Variants in SPSB4 observed in about 807,000 individuals in gnomAD.
The protein encoded by SPSB4 is SPRY domain-containing SOCS box protein 4.
SPSB4 carries 21 observed loss-of-function variants against 20.9 expected under a neutral mutation model. That is an observed-to-expected ratio of 1.01 (90% confidence interval 0.71 to 1.45). The LOEUF (loss-of-function observed/expected upper bound fraction) is 1.45, where lower values mean the gene tolerates loss of function less well. Among genes scored for constraint, SPSB4 ranks in the 40% most tolerant of loss-of-function variants. SPSB4 has a pLI of 0.00. For missense variants in SPSB4, 399 were observed against 399.2 expected (o/e 1.00, Z 0.00); for synonymous variants, 207 against 183.8 (o/e 1.13, Z -1.02).
In SPSB4 at chr3:141,061,738, C is replaced by CT. The variant is rs71151410; in HGVS notation, c.-153-4199dup. Among the ~76,000 whole-genome samples, 408 of 94,824 alleles carry CT rather than the reference C, an allele frequency of 4.3e-3. 1 individual carries two copies. The highest frequency in any genetic ancestry group is 0.014 in the African/African-American group (389 of 28,090). 62.2% of individuals were successfully genotyped at this position (94,824 alleles called of 152,430 possible). A position where few individuals can be genotyped will look rare whatever the true frequency, so the allele number is the denominator to read the frequency against. On this transcript the variant is annotated intron_variant, in intron 1 of 2. Coordinates refer to ENST00000310546, the MANE Select transcript of SPSB4 (RefSeq NM_080862.3). Reference sequence around the variant, plus strand: ...TCTTTTTCTTTCCTTTTCTTTCTTTCTTTTTTTTTTTTTTTGAGATGGAGT... The same window carrying CT: ...TCTTTTTCTTTCCTTTTCTTTCTTTCTTTTTTTTTTTTTTTTGAGATGGAGT...
At chr3:141,075,275 C>A (rs900247070) in intron 2 of SPSB4, among the ~76,000 whole-genome samples, 1 of 152,104 alleles carries the variant, frequency 6.6e-6, no homozygotes, top group Non-Finnish European at 1.5e-5. Context: ...AGTGTCTCCC[C>A]ACAACACACA....
intron 2 of SPSB4, among the ~76,000 whole-genome samples, chr3:141,083,122 T>C (rs1279444255): frequency 6.6e-6 from 1 of 152,208 alleles, no homozygotes; most frequent in East Asian, 1.9e-4. Context: ...GATCTGGGCT[T>C]CCTTAGATTT....
intron 2 of SPSB4, among the ~76,000 whole-genome samples, chr3:141,107,668 T>C (rs1938720301): frequency 6.6e-6 from 1 of 152,226 alleles, no homozygotes; most frequent in South Asian, 2.1e-4. Context: ...TGAAGATTTT[T>C]ATTTGTGCCC....
At chr3:141,135,622 T>A (rs1184366090) in intron 2 of SPSB4, among the ~76,000 whole-genome samples, 1 of 152,098 alleles carries the variant, frequency 6.6e-6, no homozygotes, top group Non-Finnish European at 1.5e-5. Context: ...GATAGTTTGC[T>A]GAGAATGATG....
rs535283654 is a variant in SPSB4, at chr3:141,147,213, G to A, written c.766G>A (p.Asp256Asn). The A allele has an allele frequency of 1.4e-4, 228 of 1,614,222 alleles. 4 individuals carry two copies. The South Asian group carries it at 2.3e-3, about 16-fold the overall frequency. ...RSALGRQRLQ[D>N]ISSLPLPQSL... ...GGCCCTGGGCCGCCAGCGCCTGCAG[G>A]ACATCAGCTCCCTGCCCCTGCCTCA... Residue 256 changes from aspartate to asparagine, a missense_variant, in exon 3 of 3, where the codon GAC becomes AAC. Transcript: ENST00000310546.
At chr3:141,081,345 T>C (rs1298150890) in intron 2 of SPSB4, among the ~76,000 whole-genome samples, 1 of 152,174 alleles carries the variant, frequency 6.6e-6, no homozygotes, top group Non-Finnish European at 1.5e-5. Flanking sequence ...TGGGGCTGCT[T>C]TAGAGCCACT....
At position 141,051,751 on chromosome 3, in the gene SPSB4, C is replaced by G. The variant is rs1397121170; in HGVS notation, c.-395C>G. ...CCCACTCCAGGCCCGACCCCCGGCG[C>G]CTGAGCGCCAACTTCGCCAAGAACG... On this transcript the variant is annotated 5_prime_UTR_variant, in exon 1 of 3. Coordinates refer to ENST00000310546, the MANE Select transcript of SPSB4 (RefSeq NM_080862.3). 1 of 152,292 alleles carries G rather than the reference C, an allele frequency of 6.6e-6. No homozygotes were observed. The highest frequency in any genetic ancestry group is 1.5e-5 in the Non-Finnish European group (1 of 68,120). 9.4% of individuals were successfully genotyped at this position (152,292 alleles called of 1,614,324 possible). A position where few individuals can be genotyped will look rare whatever the true frequency, so the allele number is the denominator to read the frequency against.
chr3:141,087,473 T>C (rs1021947426), intron 2 of SPSB4, among the ~76,000 whole-genome samples: 4 of 152,124 alleles, frequency 2.6e-5, no homozygotes, highest in Non-Finnish European at 2.9e-5. Context: ...AGGGTCCCAG[T>C]ATGGGGTAAA....
At chr3:141,119,248 A>G (rs1302025070) in intron 2 of SPSB4, among the ~76,000 whole-genome samples, 1 of 152,132 alleles carries the variant, frequency 6.6e-6, no homozygotes, top group African/African-American at 2.4e-5. Context: ...TTCTCTTTGT[A>G]GTAATTGTGA....
chr3:141,132,174 GT>G (rs551279340), intron 2 of SPSB4: 2,711 of 358,206 alleles, frequency 7.6e-3, no homozygotes, highest in South Asian at 0.011. Flanking sequence ...TTATATCTTT[GT>G]TTTTTTTTTT....
chr3:141,119,569 G>T (rs913375634), intron 2 of SPSB4, among the ~76,000 whole-genome samples: 10 of 152,048 alleles, frequency 6.6e-5, no homozygotes, highest in Non-Finnish European at 1.3e-4. Flanking sequence ...GTCTTGTGCC[G>T]GTTTTCAAAG....
intron 2 of SPSB4, among the ~76,000 whole-genome samples, chr3:141,107,147 G>A (rs147225095): frequency 6.6e-6 from 1 of 152,154 alleles, no homozygotes; most frequent in African/African-American, 2.4e-5. Flanking sequence ...GTTGGGATGG[G>A]GCAAAGCCTC....
intron 2 of SPSB4, among the ~76,000 whole-genome samples, chr3:141,081,876 C>T (rs1056932880): frequency 6.6e-6 from 1 of 152,098 alleles, no homozygotes; most frequent in Non-Finnish European, 1.5e-5. Context: ...TCATATGGCA[C>T]TATTATTTAT....
intron 2 of SPSB4, among the ~76,000 whole-genome samples, chr3:141,142,233 A>C (rs1939342521): frequency 6.6e-6 from 1 of 152,110 alleles, no homozygotes; most frequent in Non-Finnish European, 1.5e-5. Context: ...GGTTTTTGTA[A>C]GTTGTGTCAC....
chr3:141,143,711 C>A (rs1413439214), intron 2 of SPSB4, among the ~76,000 whole-genome samples: 1 of 152,240 alleles, frequency 6.6e-6, no homozygotes, highest in Non-Finnish European at 1.5e-5. Context: ...GTTGTTCTGT[C>A]ATGAGTTGCT....
intron 2 of SPSB4, among the ~76,000 whole-genome samples, chr3:141,135,062 A>G (rs1939202946): frequency 6.6e-6 from 1 of 152,038 alleles, no homozygotes; most frequent in African/African-American, 2.4e-5. Context: ...CTTTAATGTC[A>G]ATAGCACCAA....
At chr3:141,119,644 T>C (rs762394453) in intron 2 of SPSB4, among the ~76,000 whole-genome samples, 5 of 151,970 alleles carry the variant, frequency 3.3e-5, no homozygotes, top group Non-Finnish European at 5.9e-5. Context: ...AAATAGCTCT[T>C]ATTATTTATC....
rs780455009 is a variant in SPSB4, at chr3:141,066,206, G to C, written c.102G>C (p.Pro34=). ...TGCGGGGTGCAGAGCCCGGGCGGCCGGCGCGGCTGGACCAGCTGTTGGACA... is the reference window on the plus strand; with the variant it reads ...TGCGGGGTGCAGAGCCCGGGCGGCCCGCGCGGCTGGACCAGCTGTTGGACA... ...RELRGAEPGR[P]ARLDQLLDMP... Residue 34 remains proline, a synonymous_variant, in exon 2 of 3, where the codon CCG becomes CCC. Transcript: ENST00000310546. The C allele has an allele frequency of 3.3e-6, 5 of 1,532,746 alleles. No individual in the cohort carries two copies. The East Asian group carries it at 7.6e-5, about 23-fold the overall frequency. The allele number at this position is 1,532,746 out of a possible 1,614,324, so 94.9% of individuals were successfully genotyped here. A position where few individuals can be genotyped will look rare whatever the true frequency, so the allele number is the denominator to read the frequency against.
At chr3:141,135,633 GT>G (rs1236413502) in intron 2 of SPSB4, among the ~76,000 whole-genome samples, 4 of 151,902 alleles carry the variant, frequency 2.6e-5, no homozygotes, top group Admixed American at 6.6e-5. Context: ...GAGAATGATG[GT>G]TTCCAGCTTC....
Sources: allele counts gnomAD v4.1 joint callset (sites outside exome capture counted in the v4.1 genomes callset), GRCh38; gene constraint gnomAD v4.1.1; transcripts MANE v1.5; gene names NCBI Gene and HGNC (gene_info 2026-07-23, HGNC 2026-07-21).